Variants in NCOA7 observed in about 807,000 individuals in gnomAD.
NCOA7 encodes the protein nuclear receptor coactivator 7, also known as 140 kDa estrogen receptor-associated protein.
A neutral mutation model predicts 104.3 loss-of-function variants in NCOA7; 45 were observed. The observed-to-expected ratio is 0.43, with a 90% confidence interval of 0.34 to 0.55. The LOEUF (loss-of-function observed/expected upper bound fraction) is 0.55. Among genes scored for constraint, NCOA7 ranks in the 20% least tolerant of loss-of-function variants. The probability of loss-of-function intolerance (pLI) is 0.02; values close to 1 mark genes in which losing one functional copy is unlikely to be tolerated. For synonymous variants in NCOA7, 398 were observed against 402.3 expected (o/e 0.99, Z 0.13); for missense variants, 1,041 against 1,119.7 (o/e 0.93, Z 1.00).
chr6:125,851,228 T>C (rs187958306), intron 2 of NCOA7, among the ~76,000 whole-genome samples: 6 of 152,272 alleles, frequency 3.9e-5, no homozygotes, highest in Admixed American at 2.0e-4. Flanking sequence ...TAATGTACAT[T>C]GTACCCAATA....
At chr6:125,907,792 G>A (rs770530055) in intron 10 of NCOA7, among the ~76,000 whole-genome samples, 2 of 152,128 alleles carry the variant, frequency 1.3e-5, no homozygotes, top group Admixed American at 6.5e-5. Flanking sequence ...AGTAATACAT[G>A]CCTCATAGAG....
intron 2 of NCOA7, among the ~76,000 whole-genome samples, chr6:125,842,271 C>A (rs1485611990): frequency 6.6e-6 from 1 of 152,164 alleles, no homozygotes; most frequent in Non-Finnish European, 1.5e-5. Flanking sequence ...ACGGGAAAGT[C>A]AGTTAAAATT....
intron 1 of NCOA7, among the ~76,000 whole-genome samples, chr6:125,811,048 AT>A (rs1310337845): frequency 1.3e-5 from 2 of 152,210 alleles, no homozygotes; most frequent in Non-Finnish European, 2.9e-5. Context: ...CTTAATTTTT[AT>A]TCATGACTGG....
intron 1 of NCOA7, chr6:125,797,978 A>G (rs963194302): frequency 6.6e-6 from 1 of 152,254 alleles, no homozygotes; most frequent in African/African-American, 2.4e-5. Context: ...AAGATGGCCA[A>G]GACATGAAAA....
At chr6:125,792,232 G>C (rs917119192) in intron 1 of NCOA7, among the ~76,000 whole-genome samples, 1 of 152,174 alleles carries the variant, frequency 6.6e-6, no homozygotes, top group Non-Finnish European at 1.5e-5. Context: ...TTCAAAAATT[G>C]CCTCTTTGTA....
At chr6:125,783,113 T>C (rs959592018) in intron 1 of NCOA7, among the ~76,000 whole-genome samples, 8 of 152,204 alleles carry the variant, frequency 5.3e-5, no homozygotes, top group African/African-American at 1.4e-4. Context: ...TCTGCCAACA[T>C]CTTGACTTTA....
chr6:125,848,643 C>T (rs1780841250), intron 2 of NCOA7, among the ~76,000 whole-genome samples: 1 of 151,824 alleles, frequency 6.6e-6, no homozygotes, highest in Non-Finnish European at 1.5e-5. Context: ...CACACTGGAG[C>T]CTGTCGGGGG....
At chr6:125,786,476 T>C (rs1343810738), upstream of NCOA7, among the ~76,000 whole-genome samples, 1 of 152,206 alleles carries the variant, frequency 6.6e-6, no homozygotes, top group African/African-American at 2.4e-5. Flanking sequence ...CCTAAGTGAC[T>C]TCATCCTGTT....
intron 5 of NCOA7, among the ~76,000 whole-genome samples, chr6:125,880,464 C>T (rs1296905742): frequency 6.6e-6 from 1 of 151,866 alleles, no homozygotes; most frequent in African/African-American, 2.4e-5. Context: ...TTGGCCTGCC[C>T]AGAATACTTA....
chr6:125,806,549 T>C (rs1018151609), intron 1 of NCOA7, among the ~76,000 whole-genome samples: 2 of 152,194 alleles, frequency 1.3e-5, no homozygotes, highest in African/African-American at 4.8e-5. Flanking sequence ...TTGATTTTCC[T>C]CTTAATAGTG....
At chr6:125,789,872 A>G (rs1429745863), upstream of NCOA7, among the ~76,000 whole-genome samples, 2 of 152,332 alleles carry the variant, frequency 1.3e-5, no homozygotes, top group African/African-American at 2.4e-5. Flanking sequence ...GAGTAGTTGC[A>G]GGCCCTTCCT....
chr6:125,889,284 A>G lies in NCOA7; in HGVS notation c.1230A>G (p.Leu410=), dbSNP rs1422115273. 25 of 1,614,086 alleles carry G rather than the reference A, an allele frequency of 1.5e-5. No individual in the cohort carries two copies. Among genetic ancestry groups the G allele is most frequent in the Non-Finnish European group, 2.1e-5 (25 of 1,179,988 alleles). The change falls in exon 9 of 16, where the codon CTA becomes CTG. Residue 410 remains leucine, a synonymous_variant. Transcript: ENST00000392477. ...AATCTACAGCCAAAGAAAACTTTCT[A>G]GGGGAAGATGATGATTTTGTTGACT... ...AFESTAKENF[L]GEDDDFVDLE...
intron 4 of NCOA7, among the ~76,000 whole-genome samples, chr6:125,876,601 TAA>T (rs202233696): frequency 5.3e-4 from 69 of 129,554 alleles, no homozygotes; most frequent in Non-Finnish European, 6.8e-4. Flanking sequence ...GTAGTGACAG[TAA>T]AAAAAAAAAA....
At chr6:125,786,124 T>G (rs565068513), upstream of NCOA7, 5 of 152,328 alleles carry the variant, frequency 3.3e-5, no homozygotes, top group African/African-American at 1.2e-4. Context: ...TAAACTCTCT[T>G]CTGCCTCTTT....
At chr6:125,790,492 G>A (rs966549556), upstream of NCOA7, among the ~76,000 whole-genome samples, 2 of 152,156 alleles carry the variant, frequency 1.3e-5, no homozygotes, top group Non-Finnish European at 2.9e-5. Context: ...GCTCTCCGGG[G>A]CGGAGCCGCC....
chr6:125,861,196 G>A (rs1341580460), intron 3 of NCOA7, among the ~76,000 whole-genome samples: 1 of 152,068 alleles, frequency 6.6e-6, no homozygotes, highest in African/African-American at 2.4e-5. Flanking sequence ...TGTCTGTTTT[G>A]GTTTTTTGAC....
chr6:125,868,630 A>G (rs1782626760), intron 3 of NCOA7, among the ~76,000 whole-genome samples: 1 of 152,270 alleles, frequency 6.6e-6, no homozygotes, highest in African/African-American at 2.4e-5. Flanking sequence ...TATAATTAAT[A>G]CTATCAAACT....
chr6:125,877,984 C>G (rs1352765854), intron 4 of NCOA7, among the ~76,000 whole-genome samples: 3 of 152,246 alleles, frequency 2.0e-5, no homozygotes, highest in Admixed American at 6.5e-5. Flanking sequence ...AGCTCACGGA[C>G]CTTTACTTCA....
In NCOA7 at chr6:125,928,748, C is replaced by T. The variant is rs1487823829; in HGVS notation, c.2806C>T (p.Leu936=). ...AAAGGAAGACTTCATAGTTCAGGAT[C>T]TGGAGGTGTGGGCATTTGATTGAAA... ...SKKEDFIVQD[L]EVWAFD is the part of the protein sequence containing the mutation. The change falls in exon 16 of 16, where the codon CTG becomes TTG. Residue 936 remains leucine (L), a synonymous_variant. Transcript: ENST00000392477. 3.1e-6 allele frequency: 5 copies of T among 1,612,614 alleles called. No homozygotes were observed. The East Asian group carries it at 8.9e-5, about 29-fold the overall frequency.
Sources: gnomAD v4.1 joint callset for allele counts (sites outside exome capture counted in the v4.1 genomes callset) on GRCh38, gnomAD v4.1.1 for gene constraint, MANE v1.5 for transcripts, NCBI Gene and HGNC (gene_info 2026-07-23, HGNC 2026-07-21) for gene names.